The following ASAP1 variants were observed in gnomAD, a reference collection of about 807,000 sequenced individuals.
ASAP1 encodes ArfGAP with SH3 domain, ankyrin repeat and PH domain 1.
ASAP1 carries 43 observed loss-of-function variants against 145.2 expected under a neutral mutation model. The ratio of observed to expected loss-of-function variants is 0.30; its 90% CI spans 0.23 to 0.38. The LOEUF is 0.38. ASAP1 is among the 10% of genes least tolerant of loss of function. The probability of loss-of-function intolerance (pLI) is 1.00; values close to 1 mark genes in which losing one functional copy is unlikely to be tolerated. For missense variants in ASAP1, 1,018 were observed against 1,355.3 expected, an observed-to-expected ratio of 0.75 and a Z score of 3.91; for synonymous variants, 546 against 515.5, an observed-to-expected ratio of 1.06 and a Z score of -0.80.
chr8:130,242,338 G>C (rs1160537551), intron 3 of ASAP1, among the ~76,000 whole-genome samples: 1 of 130,310 alleles, frequency 7.7e-6, no homozygotes, highest in Non-Finnish European at 1.6e-5. Context: ...CCATTGTATT[G>C]CTTTATAGTA....
At chr8:130,377,328 A>G (rs74458069) in intron 2 of ASAP1, among the ~76,000 whole-genome samples, 2,688 of 152,204 alleles carry the variant, frequency 0.018, 43 homozygotes, top group East Asian at 0.063. Flanking sequence ...TCACCACTAA[A>G]TACCTTATTC....
chr8:130,376,746 A>T (rs575179737), intron 2 of ASAP1, among the ~76,000 whole-genome samples: 1 of 151,606 alleles, frequency 6.6e-6, no homozygotes, highest in Non-Finnish European at 1.5e-5. Context: ...ATAAATAAAT[A>T]AAATAAATTA....
chr8:130,415,274 G>C (rs1253169987), intron 1 of ASAP1, among the ~76,000 whole-genome samples: 1 of 151,370 alleles, frequency 6.6e-6, no homozygotes, highest in Non-Finnish European at 1.5e-5. Flanking sequence ...TTCAAGACCA[G>C]CCTAGGCAAT....
chr8:130,147,949 T>A (rs1212360367), intron 13 of ASAP1, among the ~76,000 whole-genome samples: 3 of 152,258 alleles, frequency 2.0e-5, no homozygotes, highest in Non-Finnish European at 4.4e-5. Flanking sequence ...GTTGTAAGTG[T>A]TAATCATAAG....
chr8:130,442,908 G>A (rs1228398088), intron 1 of ASAP1, among the ~76,000 whole-genome samples: 2 of 152,136 alleles, frequency 1.3e-5, no homozygotes, highest in Non-Finnish European at 2.9e-5. Context: ...CCGCCCAGGA[G>A]CCAACCCCAA....
At chr8:130,365,846 G>C (rs1826923998) in intron 2 of ASAP1, among the ~76,000 whole-genome samples, 1 of 152,210 alleles carries the variant, frequency 6.6e-6, no homozygotes, top group Non-Finnish European at 1.5e-5. Flanking sequence ...ATAGGGGGAA[G>C]GGTATGAGAG....
At position 130,222,671 on chromosome 8, in the gene ASAP1, A is replaced by G. The variant is rs151138657; in HGVS notation, c.260-7970T>C. ...AGACAAGACTTCCTGTCCTGTAATA[A>G]TATTGACAAAGTAATAATAATAATA... is the stretch of plus-strand genomic sequence containing the variant. On this transcript the variant is annotated intron_variant, in intron 4 of 29. Transcript: ENST00000518721. Among the ~76,000 whole-genome samples the G allele has an allele frequency of 1.2e-3, 186 of 152,338 alleles. 1 individual carries two copies. The highest frequency in any genetic ancestry group is 4.2e-3 in the African/African-American group (173 of 41,564).
At chr8:130,341,121 T>TAC (rs1056101628) in intron 3 of ASAP1, among the ~76,000 whole-genome samples, 5 of 152,052 alleles carry the variant, frequency 3.3e-5, no homozygotes, top group African/African-American at 1.2e-4. Context: ...CAAGATGCAT[T>TAC]ACAGCAGAAG....
At chr8:130,257,017 C>T (rs992055053) in intron 3 of ASAP1, among the ~76,000 whole-genome samples, 2 of 151,200 alleles carry the variant, frequency 1.3e-5, no homozygotes, top group African/African-American at 4.9e-5. Flanking sequence ...TTAAAATTTC[C>T]CACACTATAT....
chr8:130,237,019 GATATT>G, intron 3 of ASAP1, 25 bp from the exon 4 acceptor site: 1 of 1,487,598 alleles, frequency 6.7e-7, no homozygotes, highest in Non-Finnish European at 9.1e-7. Context: ...AGGGGGAAAA[GATATT>G]AGAAGATTTG....
At chr8:130,069,276 C>T (rs1407274872) in intron 27 of ASAP1, among the ~76,000 whole-genome samples, 1 of 152,176 alleles carries the variant, frequency 6.6e-6, no homozygotes, top group Non-Finnish European at 1.5e-5. Context: ...TGCTCTGTCA[C>T]CCAGGCTGGA....
intron 3 of ASAP1, among the ~76,000 whole-genome samples, chr8:130,240,856 A>G (rs1818482273): frequency 6.6e-6 from 1 of 152,126 alleles, no homozygotes; most frequent in African/African-American, 2.4e-5. Flanking sequence ...TGTCATTTGA[A>G]TCTAGGCCCA....
At chr8:130,433,583 T>C (rs1467776569) in intron 1 of ASAP1, among the ~76,000 whole-genome samples, 1 of 152,224 alleles carries the variant, frequency 6.6e-6, no homozygotes, top group Non-Finnish European at 1.5e-5. Flanking sequence ...TTCTAGCAGG[T>C]GGACTTTGAT....
intron 3 of ASAP1, among the ~76,000 whole-genome samples, chr8:130,320,187 T>G (rs981074870): frequency 1.8e-4 from 27 of 152,248 alleles, no homozygotes; most frequent in African/African-American, 6.3e-4. Context: ...AAATTTATCA[T>G]GCCTATCAAA....
chr8:130,430,769 T>C (rs913805351), intron 1 of ASAP1, among the ~76,000 whole-genome samples: 10 of 151,988 alleles, frequency 6.6e-5, no homozygotes, highest in African/African-American at 2.2e-4. Context: ...TTGGTTTGGG[T>C]TGGAAGAAGA....
intron 27 of ASAP1, among the ~76,000 whole-genome samples, chr8:130,063,077 CAG>C (rs977107739): frequency 2.0e-5 from 3 of 152,060 alleles, no homozygotes; most frequent in African/African-American, 7.2e-5. Context: ...TTAGCTTAAA[CAG>C]AAACTTTAAA....
chr8:130,328,813 G>C (rs1290358384), intron 3 of ASAP1, among the ~76,000 whole-genome samples: 2 of 151,818 alleles, frequency 1.3e-5, no homozygotes, highest in Non-Finnish European at 2.9e-5. Flanking sequence ...ATTTTTTGTA[G>C]AGATGGTGGT....
chr8:130,406,961 A>G (rs1188991244), intron 1 of ASAP1, among the ~76,000 whole-genome samples: 1 of 152,094 alleles, frequency 6.6e-6, no homozygotes, highest in African/African-American at 2.4e-5. Context: ...GCTTTCTCCA[A>G]TTTTCCCAGC....
intron 10 of ASAP1, among the ~76,000 whole-genome samples, chr8:130,168,347 C>T (rs1161623167): frequency 6.6e-6 from 1 of 151,888 alleles, no homozygotes; most frequent in Non-Finnish European, 1.5e-5. Flanking sequence ...CAAAACAAAA[C>T]AAAAACCCTT....
Sources: gnomAD v4.1 joint callset for allele counts (sites outside exome capture counted in the v4.1 genomes callset) on GRCh38, gnomAD v4.1.1 for gene constraint, MANE v1.5 for transcripts, NCBI Gene and HGNC (gene_info 2026-07-23, HGNC 2026-07-21) for gene names.